Variants in FAT2 observed in about 807,000 individuals in gnomAD.
The protein encoded by FAT2 is protocadherin Fat 2.
Under a neutral mutation model 295.3 loss-of-function variants are expected in FAT2, and 150 were observed. That is an observed-to-expected ratio of 0.51 (90% CI 0.44 to 0.58). The LOEUF is 0.58. Among genes scored for constraint, FAT2 ranks in the 20% least tolerant of loss-of-function variants. The pLI, the probability that FAT2 is intolerant of heterozygous loss-of-function variation, is 0.00. For synonymous variants in FAT2, 2,026 were observed against 2,150.3 expected (o/e 0.94, Z 1.60); for missense variants, 4,868 against 5,442.7 (o/e 0.89, Z 3.32).
intron 8 of FAT2, 95 bp from the exon 9 acceptor site, chr5:151,549,600 A>C: frequency 1.1e-6 from 1 of 950,622 alleles, no homozygotes; most frequent in Non-Finnish European, 1.6e-6. Context: ...CCAATTTAAA[A>C]TATGCCCAAT....
At chr5:151,537,439 A>G (rs992475091) in intron 12 of FAT2, among the ~76,000 whole-genome samples, 2 of 146,954 alleles carry the variant, frequency 1.4e-5, no homozygotes, top group Middle Eastern at 3.2e-3. Context: ...AGAGGAAAGG[A>G]GAGGGGAGGG....
chr5:151,541,231 T>G (rs1376891077), intron 10 of FAT2, among the ~76,000 whole-genome samples: 1 of 152,246 alleles, frequency 6.6e-6, no homozygotes, highest in Non-Finnish European at 1.5e-5. Flanking sequence ...GTAAGTCATC[T>G]TTCTTTCCTT....
In FAT2 at chr5:151,537,879, G is replaced by A; in HGVS notation, c.9107C>T (p.Thr3036Ile). The stretch of plus-strand genomic sequence containing the variant: ...AGCATTGGTATCAGTGTCCAAGTCT[G>A]TGGCAGAAACCTTCAAAATGAAGTG... Reference protein sequence around the residue: ...PGHFILKVSATDLDTDTNAQI... With the variant: ...PGHFILKVSAIDLDTDTNAQI... The change falls in exon 12 of 24, where the codon ACA (threonine) becomes ATA (isoleucine). Residue 3036 changes from threonine to isoleucine, a missense_variant. Around this residue, in one of 5 missense-constraint regions of FAT2, gnomAD observed 1,046 missense variants for 1,210.1 expected, o/e 0.86. Coordinates refer to ENST00000261800, the MANE Select transcript of FAT2 (RefSeq NM_001447.3). The A allele has an allele frequency of 3.1e-6, 5 of 1,614,196 alleles. No homozygotes were observed. The highest frequency in any genetic ancestry group is 3.3e-4 in the Middle Eastern group (2 of 6,062).
In FAT2 at chr5:151,528,144, G is replaced by A. The variant is rs965232286; in HGVS notation, c.10027-11C>T. 1 of 1,612,986 alleles carries A rather than the reference G, an allele frequency of 6.2e-7. No individual in the cohort carries two copies. Among genetic ancestry groups the A allele is most frequent in the Non-Finnish European group, 8.5e-7 (1 of 1,179,248 alleles). The stretch of plus-strand genomic sequence containing the variant: ...ATCAGTCGCTGATACCTGCGGTGGG[G>A]TAGGGGGATTGTGAATGGAGGGACA... On this transcript the variant is annotated splice_polypyrimidine_tract_variant and intron_variant, in intron 15 of 23. Transcript: ENST00000261800.
In FAT2 at chr5:151,546,162, C is replaced by A. The variant is rs748805505; in HGVS notation, c.4965G>T (p.Arg1655Ser). 1 of 1,614,142 alleles carries A rather than the reference C, an allele frequency of 6.2e-7. No homozygotes were observed. The highest frequency in any genetic ancestry group is 1.7e-5 in the Admixed American group (1 of 60,018). Reference sequence around the variant, plus strand: ...CAGATTTTGAAAAGATGGGGGCACTCCTATCTGAGGGATAGACATGAATGA... The same window carrying A: ...CAGATTTTGAAAAGATGGGGGCACTACTATCTGAGGGATAGACATGAATGA... ...TVIIHVYPSD[R>S]SAPIFSKSEY... The change falls in exon 10 of 24, where the codon AGG (arginine) becomes AGT (serine). Residue 1655 changes from arginine (R) to serine (S), a missense_variant. Arg to Ser is a moderately radical substitution (Grantham distance 110). Coordinates refer to ENST00000261800, the MANE Select transcript of FAT2 (RefSeq NM_001447.3).
rs1260344354 is a variant in FAT2, at chr5:151,545,817, T to G, written c.5310A>C (p.Ala1770=). 3 of 1,614,252 alleles carry G rather than the reference T, an allele frequency of 1.9e-6. No individual in the cohort carries two copies. Among genetic ancestry groups the G allele is most frequent in the Non-Finnish European group, 2.5e-6 (3 of 1,180,050 alleles). Residue 1770 remains alanine (A), a synonymous_variant, in exon 10 of 24, where the codon GCA becomes GCC. Coordinates refer to ENST00000261800, the MANE Select transcript of FAT2 (RefSeq NM_001447.3). ...KSTFVGQISE[A]APLYSMIMDK... is the part of the protein sequence containing the mutation. The stretch of plus-strand genomic sequence containing the variant: ...CCATGATCATGCTATACAGTGGAGC[T>G]GCTTCACTAATTTGGCCCACAAAAG...
chr5:151,553,890 G>C (rs554860151), intron 5 of FAT2, among the ~76,000 whole-genome samples: 57 of 152,352 alleles, frequency 3.7e-4, no homozygotes, highest in African/African-American at 1.3e-3. Context: ...TCACCTGCCA[G>C]ATGAAATGCT....
At position 151,544,054 on chromosome 5, in the gene FAT2, G is replaced by C; in HGVS notation, c.7073C>G (p.Pro2358Arg). 1.2e-6 allele frequency: 2 copies of C among 1,614,172 alleles called. No individual in the cohort carries two copies. The highest frequency in any genetic ancestry group is 2.2e-5 in the East Asian group (1 of 44,890). Reference protein sequence around the residue: ...KVRAMDKGDPPLTGETLVVVN... With the variant: ...KVRAMDKGDPRLTGETLVVVN... ...AACCACAAGGGTTTCACCAGTGAGT[G>C]GGGGATCTCCTTTATCCATGGCCCT... The change falls in exon 10 of 24, where the codon CCA becomes CGA. Residue 2358 changes from proline to arginine, a missense_variant. Pro to Arg is a moderately radical substitution (Grantham distance 103). Transcript: ENST00000261800.
intron 1 of FAT2, among the ~76,000 whole-genome samples, chr5:151,577,334 T>G (rs1008190688): frequency 6.6e-6 from 1 of 152,212 alleles, no homozygotes; most frequent in Non-Finnish European, 1.5e-5. Context: ...AGTGTTTTAT[T>G]ATTGAGCTTC....
At position 151,539,636 on chromosome 5, in the gene FAT2, A is replaced by G. The variant is rs533448274; in HGVS notation, c.9039+931T>C. On this transcript the variant is annotated intron_variant, in intron 11 of 23. Transcript: ENST00000261800. ...ATAATTTGAGATGTTATAAAATTAA[A>G]ATGTTAGCAGTTTAACTTTATCTAT... Among the ~76,000 whole-genome samples, 5 of 152,340 alleles carry G rather than the reference A, an allele frequency of 3.3e-5. 1 individual carries two copies. In the South Asian group the frequency reaches 1.0e-3, roughly 32 times the overall value.
chr5:151,531,033 GC>G lies in FAT2; in HGVS notation c.9811+553del, dbSNP rs1242585054. 6.6e-6 allele frequency among the ~76,000 whole-genome samples: 1 copy of G among 152,212 alleles called. No individual in the cohort carries two copies. The highest frequency in any genetic ancestry group is 1.5e-5 in the Non-Finnish European group (1 of 68,044). ...CAGGCTGACCTGGGTGGCCTCTGAG[GC>G]CCTTCGGTGAGTTTCTGTGAACCTG... On this transcript the variant is annotated intron_variant, in intron 14 of 23. Transcript: ENST00000261800. This position sits in a 1 kb window ranked among gnomAD's most constrained non-coding sequence, Gnocchi z 5.7.
chr5:151,574,030 T>C (rs543444228), intron 1 of FAT2, among the ~76,000 whole-genome samples: 3 of 152,112 alleles, frequency 2.0e-5, no homozygotes, highest in Non-Finnish European at 4.4e-5. Flanking sequence ...CGGGCATGGT[T>C]CTTTGGCCTG....
intron 17 of FAT2, 35 bp downstream of exon 17, chr5:151,527,199 G>A (rs759983099): frequency 1.9e-6 from 3 of 1,563,520 alleles, no homozygotes; most frequent in Non-Finnish European, 2.6e-6. Flanking sequence ...ATGAAGGGAG[G>A]AAGGGCTCAG....
rs754679115 is a variant in FAT2, at chr5:151,543,261, G to C, written c.7866C>G (p.Tyr2622Ter). 6.2e-7 allele frequency: 1 copy of C among 1,614,084 alleles called. No individual in the cohort carries two copies. The highest frequency in any genetic ancestry group is 8.5e-7 in the Non-Finnish European group (1 of 1,180,036). Reference sequence around the variant, plus strand: ...TAACTAGGTCCTCTGGGTTCACTGAGTAGGTGACATCTGCGTTCTGACCTT... The same window carrying C: ...TAACTAGGTCCTCTGGGTTCACTGACTAGGTGACATCTGCGTTCTGACCTT... ...ADEGQNADVT[Y>*]SVNPEDLVKD... The change falls in exon 10 of 24, where the codon TAC becomes TAG. Residue 2622 changes from tyrosine to a stop codon, truncating the protein, a stop_gained. Coordinates refer to ENST00000261800, the MANE Select transcript of FAT2 (RefSeq NM_001447.3). LOFTEE classifies it high-confidence loss of function.
In FAT2 at chr5:151,551,581, G is replaced by A; in HGVS notation, c.4182C>T (p.Asp1394=). ...CGATGCTGCCTGTGGTCTTCTCAAT[G>A]TCAAAGTCCATGTCCTTATCCCCAC... The part of the protein sequence containing the change: ...ISGGDKDMDF[D]IEKTTGSIVI... Residue 1394 remains aspartate, a synonymous_variant, in exon 7 of 24, where the codon GAC becomes GAT. Transcript: ENST00000261800. 6.2e-7 allele frequency: 1 copy of A among 1,614,218 alleles called. No homozygotes were observed. Among genetic ancestry groups the A allele is most frequent in the Non-Finnish European group, 8.5e-7 (1 of 1,180,020 alleles).
chr5:151,523,182 A>G (rs1029717365), intron 18 of FAT2, among the ~76,000 whole-genome samples: 2 of 152,178 alleles, frequency 1.3e-5, no homozygotes, highest in African/African-American at 4.8e-5. Context: ...GTCATGCATA[A>G]CACCGAAGAG....
Position 151,563,323 on chromosome 5 carries a change from A to C in FAT2, c.3574+2T>G, listed in dbSNP as rs747386155. On this transcript the variant is annotated splice_donor_variant, in intron 3 of 23. Coordinates refer to ENST00000261800, the MANE Select transcript of FAT2 (RefSeq NM_001447.3). LOFTEE classifies it high-confidence loss of function. Reference sequence around the variant, plus strand: ...TGTTCACCCAGCTTTTTGGATCCTTACCTGTAACAGGGTGAATCATAAAGA... The same window carrying C: ...TGTTCACCCAGCTTTTTGGATCCTTCCCTGTAACAGGGTGAATCATAAAGA... 1 of 1,612,906 alleles carries C rather than the reference A, an allele frequency of 6.2e-7. No homozygotes were observed.
intron 14 of FAT2, among the ~76,000 whole-genome samples, chr5:151,530,266 G>T: frequency 7.0e-6 from 1 of 142,158 alleles, no homozygotes; most frequent in East Asian, 2.0e-4. Flanking sequence ...AAAAAAAAAA[G>T]CCAGTTAGCT....
At chr5:151,522,974 A>C (rs1561825809) in intron 18 of FAT2, among the ~76,000 whole-genome samples, 2 of 152,264 alleles carry the variant, frequency 1.3e-5, no homozygotes, top group East Asian at 1.9e-4. Flanking sequence ...TTTTCCTTTC[A>C]TGTTTCACCA....
Sources: allele counts gnomAD v4.1 joint callset (sites outside exome capture counted in the v4.1 genomes callset), GRCh38; gene constraint gnomAD v4.1.1; regional missense constraint gnomAD v4.1.1; non-coding constraint Gnocchi (gnomAD v3.1); transcripts MANE v1.5; gene names NCBI Gene and HGNC (gene_info 2026-07-23, HGNC 2026-07-21).